ZDHHC15: variants seen among roughly 807,000 people sequenced by gnomAD.
ZDHHC15 encodes the protein palmitoyltransferase ZDHHC15.
ZDHHC15 carries 19 observed loss-of-function variants against 31.7 expected under a neutral mutation model. That is an observed-to-expected ratio of 0.60 (90% CI 0.42 to 0.88). ZDHHC15 has a LOEUF of 0.88. Ranked by LOEUF, ZDHHC15 falls within the 40% of genes least tolerant of loss-of-function variation. The pLI, the probability that ZDHHC15 is intolerant of heterozygous loss-of-function variation, is 0.00. For missense variants in ZDHHC15, 209 were observed against 251.2 expected, an observed-to-expected ratio of 0.83 and a Z score of 1.14; for synonymous variants, 103 against 90.0, an observed-to-expected ratio of 1.14 and a Z score of -0.82.
chrX:75,399,497 T>G (rs1017232390), intron 10 of ZDHHC15, among the ~76,000 whole-genome samples: 1 of 111,770 alleles, frequency 8.9e-6, no homozygotes, highest in South Asian at 3.8e-4. Context: ...CCCTTCACCT[T>G]GGGCTGACTG....
chrX:75,497,302 G>C (rs1202043910), intron 2 of ZDHHC15, among the ~76,000 whole-genome samples: 1 of 111,294 alleles, frequency 9.0e-6, no homozygotes, highest in East Asian at 2.8e-4. Context: ...CAGAATCTCT[G>C]AACATCCCAA....
At chrX:75,501,528 C>T (rs1170566273) in intron 2 of ZDHHC15, 1 of 111,512 alleles carries the variant, frequency 9.0e-6, no homozygotes, top group African/African-American at 3.3e-5. Flanking sequence ...TGAGGAATCA[C>T]CACGCTGTCT....
intron 2 of ZDHHC15, among the ~76,000 whole-genome samples, chrX:75,487,528 G>T (rs1312917366): frequency 8.9e-6 from 1 of 112,008 alleles, no homozygotes; most frequent in Non-Finnish European, 1.9e-5. Flanking sequence ...AGAATCTGAA[G>T]ATCAGCCCTT....
intron 11 of ZDHHC15, among the ~76,000 whole-genome samples, chrX:75,376,469 C>A (rs140262092): frequency 6.3e-4 from 70 of 111,351 alleles, no homozygotes; most frequent in Admixed American, 4.4e-3. Flanking sequence ...GCCAAAAATT[C>A]TTTGCCAAGG....
chrX:75,424,272 T>A (rs1299323719), intron 8 of ZDHHC15, among the ~76,000 whole-genome samples: 1 of 110,921 alleles, frequency 9.0e-6, no homozygotes, highest in Non-Finnish European at 1.9e-5. Context: ...GATTCTACTA[T>A]CTTTATCAAA....
intron 2 of ZDHHC15, among the ~76,000 whole-genome samples, chrX:75,481,680 T>C (rs1362357263): frequency 1.8e-5 from 2 of 112,020 alleles, no homozygotes; most frequent in Non-Finnish European, 3.8e-5. Flanking sequence ...GAGAAGTAAC[T>C]GAGGCCCAGA....
chrX:75,474,928 C>T (rs1015783578), intron 3 of ZDHHC15, among the ~76,000 whole-genome samples: 4 of 109,459 alleles, frequency 3.7e-5, no homozygotes, highest in East Asian at 2.9e-4. Flanking sequence ...GGCGTGGTGG[C>T]GGGTGCCTGT....
chrX:75,375,623 A>AATG (rs1023494966), intron 11 of ZDHHC15, among the ~76,000 whole-genome samples: 5 of 111,164 alleles, frequency 4.5e-5, no homozygotes, highest in African/African-American at 1.6e-4. Flanking sequence ...ATGGGTACTC[A>AATG]ATGTTTAGCT....
At chrX:75,397,473 A>G (rs2083310923) in intron 10 of ZDHHC15, among the ~76,000 whole-genome samples, 1 of 111,632 alleles carries the variant, frequency 9.0e-6, no homozygotes, top group Non-Finnish European at 1.9e-5. Flanking sequence ...CACATTGTAT[A>G]CCTGTATTAA....
intron 8 of ZDHHC15, among the ~76,000 whole-genome samples, chrX:75,424,190 C>T: frequency 9.1e-6 from 1 of 109,932 alleles, no homozygotes; most frequent in East Asian, 2.9e-4. Context: ...TTTCTCAAGA[C>T]TTTTGGATTC....
At chrX:75,499,337 G>A (rs1184076764) in intron 2 of ZDHHC15, among the ~76,000 whole-genome samples, 1 of 111,639 alleles carries the variant, frequency 9.0e-6, no homozygotes, top group Non-Finnish European at 1.9e-5. Flanking sequence ...AAAGTAAACA[G>A]AAAATCTACA....
chrX:75,416,874 G>A (rs1249394564), intron 10 of ZDHHC15, among the ~76,000 whole-genome samples: 2 of 111,319 alleles, frequency 1.8e-5, no homozygotes, highest in Non-Finnish European at 3.8e-5. Flanking sequence ...ATAAATCACA[G>A]AATCACAAAG....
intron 4 of ZDHHC15, among the ~76,000 whole-genome samples, chrX:75,435,344 G>A (rs2083836764): frequency 9.0e-6 from 1 of 111,132 alleles, no homozygotes; most frequent in African/African-American, 3.3e-5. Flanking sequence ...TCTTTCTCTT[G>A]TCTGATCACT....
Position 75,416,918 on chromosome X carries a change from T to A in ZDHHC15, c.967+169A>T, listed in dbSNP as rs772554536. Among the ~76,000 whole-genome samples, 53 of 111,675 alleles carry A rather than the reference T, an allele frequency of 4.7e-4. 1 individual carries two copies. Among genetic ancestry groups the A allele is most frequent in the Non-Finnish European group, 8.8e-4 (47 of 53,160 alleles). ...GAGCCTCCCAAGCTGCAATCTAATCTTATCTAAACTACCCATGGTTACTAA... is the reference window on the plus strand; with the variant it reads ...GAGCCTCCCAAGCTGCAATCTAATCATATCTAAACTACCCATGGTTACTAA... On this transcript the variant is annotated intron_variant, in intron 10 of 11. Coordinates refer to ENST00000373367, the MANE Select transcript of ZDHHC15 (RefSeq NM_144969.3).
chrX:75,409,404 C>A (rs762919884), intron 10 of ZDHHC15, among the ~76,000 whole-genome samples: 1 of 98,307 alleles, frequency 1.0e-5, no homozygotes, highest in Non-Finnish European at 2.0e-5. Context: ...AAGAGAATTG[C>A]TTGAACCTGT....
At chrX:75,441,341 G>A (rs968157963) in intron 4 of ZDHHC15, among the ~76,000 whole-genome samples, 50 of 111,683 alleles carry the variant, frequency 4.5e-4, no homozygotes, top group African/African-American at 1.6e-3. Context: ...CCTGAAGACC[G>A]TGAGTGCCTA....
chrX:75,444,675 T>C lies in ZDHHC15; in HGVS notation c.379+6127A>G, dbSNP rs866917421. On this transcript the variant is annotated intron_variant, in intron 4 of 11. Coordinates refer to ENST00000373367, the MANE Select transcript of ZDHHC15 (RefSeq NM_144969.3). ...ATATATATATATATATATATATATA[T>C]ATATATATATATACACACACACACA... Among the ~76,000 whole-genome samples, 80 of 40,876 alleles carry C rather than the reference T, an allele frequency of 2.0e-3. 2 individuals are homozygous for C. Among genetic ancestry groups the C allele is most frequent in the Non-Finnish European group, 3.1e-3 (57 of 18,099 alleles). 35.5% of individuals were successfully genotyped at this position (40,876 alleles called of 115,157 possible).
At chrX:75,516,407 A>G (rs2085357164) in intron 1 of ZDHHC15, among the ~76,000 whole-genome samples, 1 of 112,207 alleles carries the variant, frequency 8.9e-6, no homozygotes, top group Non-Finnish European at 1.9e-5. Flanking sequence ...AATGGAACAG[A>G]ACAGAGCCCT....
intron 1 of ZDHHC15, among the ~76,000 whole-genome samples, chrX:75,510,659 C>T (rs1297007609): frequency 1.1e-5 from 1 of 88,035 alleles, no homozygotes; most frequent in Non-Finnish European, 2.2e-5. Flanking sequence ...ATGTGCCATG[C>T]TGGTGCGCTG....
Sources: gnomAD v4.1 joint callset for allele counts (sites outside exome capture counted in the v4.1 genomes callset) on GRCh38, gnomAD v4.1.1 for gene constraint, MANE v1.5 for transcripts, NCBI Gene and HGNC (gene_info 2026-07-23, HGNC 2026-07-21) for gene names.